The following TMEM260 variants were observed in gnomAD, a reference collection of about 807,000 sequenced individuals.
TMEM260 encodes the protein protein O-mannosyl-transferase TMEM260.
In TMEM260, 82 loss-of-function variants were observed where a neutral mutation model predicts 88.9. That is an observed-to-expected ratio of 0.92 (90% CI 0.77 to 1.11). The LOEUF (loss-of-function observed/expected upper bound fraction) is 1.11, where lower values mean the gene tolerates loss of function less well. Ranked by LOEUF, TMEM260 falls within the 50% of genes least tolerant of loss-of-function variation. The probability of loss-of-function intolerance (pLI) is 0.00; values close to 1 mark genes in which losing one functional copy is unlikely to be tolerated. For missense variants in TMEM260, 902 were observed against 853.4 expected, an observed-to-expected ratio of 1.06 and a Z score of -0.71; for synonymous variants, 314 against 309.3, an observed-to-expected ratio of 1.02 and a Z score of -0.16.
chr14:56,603,218 GA>G, intron 3 of TMEM260, among the ~76,000 whole-genome samples: 1 of 148,882 alleles, frequency 6.7e-6, no homozygotes, highest in South Asian at 2.2e-4. Flanking sequence ...TTCTTCTTTA[GA>G]AAAAAAATTA....
At chr14:56,587,880 G>C (rs1885609455) in intron 3 of TMEM260, among the ~76,000 whole-genome samples, 1 of 152,022 alleles carries the variant, frequency 6.6e-6, no homozygotes, top group Non-Finnish European at 1.5e-5. Flanking sequence ...GTAGCCTATT[G>C]ATTGAGTGGA....
chr14:56,623,755 C>T (rs899591151), intron 11 of TMEM260, among the ~76,000 whole-genome samples: 1 of 152,026 alleles, frequency 6.6e-6, no homozygotes, highest in African/African-American at 2.4e-5. Flanking sequence ...GTAATAAAGC[C>T]TAATTCAGTA....
Position 56,647,505 on chromosome 14 carries a change from A to G in TMEM260, c.*8A>G. ...AATAGGAAAAATGTCTGAGACAGCAAAATATGAAAAACCTGCTCATCGTTC... is the reference window on the plus strand; with the variant it reads ...AATAGGAAAAATGTCTGAGACAGCAGAATATGAAAAACCTGCTCATCGTTC... On this transcript the variant is annotated 3_prime_UTR_variant, in exon 16 of 16. Transcript: ENST00000261556. The G allele has an allele frequency of 6.3e-7, 1 of 1,576,406 alleles. No homozygotes were observed. The highest frequency in any genetic ancestry group is 8.6e-7 in the Non-Finnish European group (1 of 1,165,540).
intron 3 of TMEM260, among the ~76,000 whole-genome samples, chr14:56,599,889 G>C (rs192601921): frequency 2.0e-5 from 3 of 152,062 alleles, no homozygotes; most frequent in African/African-American, 7.3e-5. Flanking sequence ...TGTTTAAACT[G>C]TCTGTCATCC....
downstream of TMEM260, among the ~76,000 whole-genome samples, chr14:56,655,287 G>A (rs1220311584): frequency 6.6e-6 from 1 of 151,926 alleles, no homozygotes; most frequent in Admixed American, 6.6e-5. Context: ...CTACTCCGAA[G>A]GCTGAGGCAG....
At chr14:56,644,395 C>A (rs952477165) in intron 15 of TMEM260, among the ~76,000 whole-genome samples, 3 of 152,150 alleles carry the variant, frequency 2.0e-5, no homozygotes, top group Admixed American at 6.5e-5. Context: ...CAAAAACAAG[C>A]AATGGGGAAA....
chr14:56,636,708 C>A (rs550743988), intron 15 of TMEM260, 110 bp downstream of exon 15: 3 of 971,510 alleles, frequency 3.1e-6, no homozygotes, highest in East Asian at 2.6e-5. Context: ...TATTTTATTT[C>A]TCTCAATTTG....
At chr14:56,598,896 T>C (rs1886401677) in intron 3 of TMEM260, among the ~76,000 whole-genome samples, 1 of 152,172 alleles carries the variant, frequency 6.6e-6, no homozygotes, top group Non-Finnish European at 1.5e-5. Context: ...ATACTTAGTT[T>C]TATTGAAAAT....
intron 15 of TMEM260, among the ~76,000 whole-genome samples, chr14:56,643,116 C>T (rs908388514): frequency 5.9e-5 from 9 of 152,158 alleles, no homozygotes; most frequent in African/African-American, 9.7e-5. Flanking sequence ...CCTTCTGAAA[C>T]GATTCCAATC....
chr14:56,586,483 T>G (rs1885512191), intron 3 of TMEM260, among the ~76,000 whole-genome samples: 1 of 152,126 alleles, frequency 6.6e-6, no homozygotes. Flanking sequence ...TTTCTTAGGT[T>G]GGAAGTCTAC....
chr14:56,655,187 C>A (rs1289523604), downstream of TMEM260, among the ~76,000 whole-genome samples: 3 of 151,962 alleles, frequency 2.0e-5, no homozygotes, highest in Non-Finnish European at 2.9e-5. Flanking sequence ...ATCAGGAGTT[C>A]GAGACCAGCC....
upstream of TMEM260, chr14:56,579,675 T>C: frequency 2.5e-6 from 1 of 393,068 alleles, no homozygotes; most frequent in East Asian, 3.6e-5. Flanking sequence ...ACATTATAAG[T>C]AGGTGAACGC....
chr14:56,618,104 T>G (rs1245461719), intron 9 of TMEM260, among the ~76,000 whole-genome samples: 2 of 152,086 alleles, frequency 1.3e-5, no homozygotes, highest in African/African-American at 4.8e-5. Flanking sequence ...GGACAAGTGC[T>G]TCCTGTGGGT....
chr14:56,597,779 T>A (rs535185088), intron 3 of TMEM260, among the ~76,000 whole-genome samples: 1 of 152,110 alleles, frequency 6.6e-6, no homozygotes, highest in East Asian at 1.9e-4. Flanking sequence ...GCTTTAAAAA[T>A]TATTATGAAA....
intron 7 of TMEM260, among the ~76,000 whole-genome samples, chr14:56,615,001 T>G (rs1276638180): frequency 6.6e-6 from 1 of 152,230 alleles, no homozygotes; most frequent in East Asian, 1.9e-4. Flanking sequence ...TGACCATCTT[T>G]TAGCGCTTAC....
intron 1 of TMEM260, 90 bp downstream of exon 1, chr14:56,580,164 G>A: frequency 1.8e-6 from 2 of 1,129,214 alleles, no homozygotes; most frequent in South Asian, 4.6e-5. Context: ...CTTGGCATTC[G>A]GTCTGGTCAG....
rs745620603 is a variant in TMEM260 at position 56,585,836 on chromosome 14, A to G, written c.268A>G (p.Ile90Val). The change falls in exon 3 of 16, where the codon ATT (isoleucine) becomes GTT (valine). Residue 90 changes from isoleucine (I) to valine (V), a missense_variant. Transcript: ENST00000261556. Reference protein sequence around the residue: ...LAITLFPFGSIAYRVNLLCGL... With the variant: ...LAITLFPFGSVAYRVNLLCGL... ...AATTACACTGTTTCCTTTTGGTTCA[A>G]TTGCCTACCGCGTCAATCTTCTCTG... 3.9e-5 allele frequency: 63 copies of G among 1,613,496 alleles called. No homozygotes were observed. In the Middle Eastern group the frequency reaches 8.2e-4, roughly 21 times the overall value.
Position 56,610,229 on chromosome 14 carries a change from A to AT in TMEM260, c.816+955dup, listed in dbSNP as rs958602409. On this transcript the variant is annotated intron_variant, in intron 6 of 15. Transcript: ENST00000261556. ...GTTTTGTTTCTTTTTAAAAAAAAGAATTTTTTTTTTTATTTTGCTTTGTTT... is the reference window on the plus strand; with the variant it reads ...GTTTTGTTTCTTTTTAAAAAAAAGAATTTTTTTTTTTTATTTTGCTTTGTTT... Among the ~76,000 whole-genome samples, 650 of 148,982 alleles carry AT rather than the reference A, an allele frequency of 4.4e-3. 5 individuals are homozygous for AT. The highest frequency in any genetic ancestry group is 0.015 in the African/African-American group (595 of 40,728).
At chr14:56,660,892 G>A in the TMEM260 span, among the ~76,000 whole-genome samples, 1 of 152,292 alleles carries the variant, frequency 6.6e-6, no homozygotes, top group Non-Finnish European at 1.5e-5. Context: ...GTGTTTGGCA[G>A]TTCCACTTAG....
Sources: allele counts gnomAD v4.1 joint callset (sites outside exome capture counted in the v4.1 genomes callset), GRCh38; gene constraint gnomAD v4.1.1; transcripts MANE v1.5; gene names NCBI Gene and HGNC (gene_info 2026-07-23, HGNC 2026-07-21).